The following SYN3 variants were observed in gnomAD, a reference collection of about 807,000 sequenced individuals.
SYN3 encodes synapsin-3.
SYN3 carries 35 observed loss-of-function variants against 65.8 expected under a neutral mutation model. The ratio of observed to expected loss-of-function variants is 0.53; its 90% CI spans 0.41 to 0.70. The LOEUF (loss-of-function observed/expected upper bound fraction) is 0.70. Among genes scored for constraint, SYN3 ranks in the 30% least tolerant of loss-of-function variants. The pLI is 0.00. For synonymous variants in SYN3, 270 were observed against 292.9 expected, an observed-to-expected ratio of 0.92 and a Z score of 0.80; for missense variants, 680 against 749.0, an observed-to-expected ratio of 0.91 and a Z score of 1.08.
intron 8 of SYN3, among the ~76,000 whole-genome samples, chr22:32,539,346 G>T (rs2058216173): frequency 6.6e-6 from 1 of 152,074 alleles, no homozygotes; most frequent in African/African-American, 2.4e-5. Flanking sequence ...GGGGGAGCTG[G>T]ATTTTTCTCT....
At chr22:32,859,381 C>T in intron 6 of SYN3, 1 of 1,606,888 alleles carries the variant, frequency 6.2e-7, no homozygotes, top group Non-Finnish European at 8.5e-7. Context: ...CCCCTGAGCG[C>T]CAGACCCTGC....
chr22:32,947,893 C>A (rs2051162377), intron 3 of SYN3, among the ~76,000 whole-genome samples: 1 of 152,160 alleles, frequency 6.6e-6, no homozygotes, highest in South Asian at 2.1e-4. Context: ...AAGGTGTTGG[C>A]CAGCTGGGCT....
rs376105128 is a variant in SYN3 at position 32,882,290 on chromosome 22, T to C, written c.462-13165A>G. 7.2e-5 allele frequency among the ~76,000 whole-genome samples: 11 copies of C among 152,328 alleles called. No individual in the cohort carries two copies. The East Asian group carries it at 2.1e-3, about 29-fold the overall frequency. ...CCTTCCCTGTCCCTATGTTCTAACA[T>C]GGACTTTCCCACTCTGACCGCCTGG... is the stretch of plus-strand genomic sequence containing the variant. On this transcript the variant is annotated intron_variant, in intron 4 of 13. Coordinates refer to ENST00000358763, the MANE Select transcript of SYN3 (RefSeq NM_003490.4).
At position 32,999,381 on chromosome 22, in the gene SYN3, T is replaced by TC. The variant is rs1283611733; in HGVS notation, c.311+6970dup. Among the ~76,000 whole-genome samples, 12 of 152,110 alleles carry TC rather than the reference T, an allele frequency of 7.9e-5. No individual in the cohort carries two copies. The East Asian group carries it at 2.1e-3, about 27-fold the overall frequency. ...TTGAGAACTACAAGTGGCTTACTCT[T>TC]CCTGCAGAATAAACAGGACAGGGCC... On this transcript the variant is annotated intron_variant, in intron 2 of 13. Coordinates refer to ENST00000358763, the MANE Select transcript of SYN3 (RefSeq NM_003490.4).
intron 1 of SYN3, among the ~76,000 whole-genome samples, chr22:33,024,102 C>A (rs1034002894): frequency 1.3e-5 from 2 of 152,070 alleles, no homozygotes; most frequent in Non-Finnish European, 2.9e-5. Context: ...CCGGGCACAG[C>A]CTCCTTCTCT....
chr22:32,737,547 T>C (rs1270492605), intron 6 of SYN3, among the ~76,000 whole-genome samples: 1 of 151,960 alleles, frequency 6.6e-6, no homozygotes, highest in Non-Finnish European at 1.5e-5. Flanking sequence ...TTCCCACCTA[T>C]GAGTGAGAAC....
At chr22:32,882,496 A>G (rs1277043708) in intron 4 of SYN3, among the ~76,000 whole-genome samples, 3 of 152,116 alleles carry the variant, frequency 2.0e-5, no homozygotes, top group Non-Finnish European at 4.4e-5. Context: ...GAGTGCTGGG[A>G]ACTTGTATTT....
intron 6 of SYN3, among the ~76,000 whole-genome samples, chr22:32,634,670 C>G (rs761731646): frequency 3.9e-5 from 6 of 152,166 alleles, no homozygotes. Flanking sequence ...CCTCATCTAA[C>G]TATTACTTCT....
At chr22:32,589,954 T>A (rs781129758) in intron 7 of SYN3, among the ~76,000 whole-genome samples, 12 of 152,332 alleles carry the variant, frequency 7.9e-5, no homozygotes, top group Admixed American at 4.6e-4. Context: ...CTGGGTATCA[T>A]CTTTCCATTC....
At chr22:32,607,017 C>T (rs1243695065) in intron 6 of SYN3, among the ~76,000 whole-genome samples, 1 of 151,062 alleles carries the variant, frequency 6.6e-6, no homozygotes, top group Admixed American at 6.6e-5. Context: ...CGCCTCCCCC[C>T]ACCCCACAAC....
chr22:32,618,111 G>C (rs535252929), intron 6 of SYN3, among the ~76,000 whole-genome samples: 1 of 152,234 alleles, frequency 6.6e-6, no homozygotes, highest in Non-Finnish European at 1.5e-5. Flanking sequence ...ACTGTTAAGT[G>C]AATACGGAAA....
At chr22:32,901,944 ATC>A (rs1465030882) in intron 4 of SYN3, among the ~76,000 whole-genome samples, 1 of 152,252 alleles carries the variant, frequency 6.6e-6, no homozygotes, top group Non-Finnish European at 1.5e-5. Flanking sequence ...GCCTCCCAGC[ATC>A]TCTGTTCTTC....
chr22:32,801,998 G>C lies in SYN3; in HGVS notation c.711+62917C>G, dbSNP rs1179726032. The C allele has an allele frequency of 1.3e-6, 2 of 1,584,724 alleles. No homozygotes were observed. The highest frequency in any genetic ancestry group is 8.5e-7 in the Non-Finnish European group (1 of 1,171,736). ...CAGCCCCGGCAGCGGCGGCAGCAGCGGCAATGACCCCTTGGCTCGGGCTCA... is the reference window on the plus strand; with the variant it reads ...CAGCCCCGGCAGCGGCGGCAGCAGCCGCAATGACCCCTTGGCTCGGGCTCA... On this transcript the variant is annotated intron_variant, in intron 6 of 13. Coordinates refer to ENST00000358763, the MANE Select transcript of SYN3 (RefSeq NM_003490.4). The surrounding 1 kb of genome is among the most constrained non-coding windows in gnomAD (Gnocchi z 4.7).
At position 32,833,668 on chromosome 22, in the gene SYN3, C is replaced by A. The variant is rs539720766; in HGVS notation, c.711+31247G>T. 1.2e-4 allele frequency among the ~76,000 whole-genome samples: 19 copies of A among 152,308 alleles called. No individual in the cohort carries two copies. The East Asian group carries it at 2.7e-3, about 22-fold the overall frequency. On this transcript the variant is annotated intron_variant, in intron 6 of 13. Coordinates refer to ENST00000358763, the MANE Select transcript of SYN3 (RefSeq NM_003490.4). ...GACCCAGAGATGAGAAGTAGGGGCT[C>A]CCAATTCAGGCTGCCTGGACTGGCA... is the stretch of plus-strand genomic sequence containing the variant.
At chr22:32,805,257 C>T (rs932919348) in intron 6 of SYN3, among the ~76,000 whole-genome samples, 6 of 152,086 alleles carry the variant, frequency 3.9e-5, no homozygotes, top group African/African-American at 1.4e-4. Flanking sequence ...GGCTGCCAGC[C>T]CCAGAGGATG....
rs761501812 is a variant in SYN3 at position 32,580,054 on chromosome 22, G to C, written c.774+16620C>G. Among the ~76,000 whole-genome samples the C allele has an allele frequency of 4.3e-4, 66 of 152,222 alleles. 1 individual carries two copies. Among genetic ancestry groups the C allele is most frequent in the Non-Finnish European group, 1.5e-4 (10 of 68,042 alleles). ...TGTAGGGCAAAGGACAGGGCTTTCC[G>C]CTGTCCAGGGCCCTGGCCTAGGCGG... On this transcript the variant is annotated intron_variant, in intron 7 of 13. Transcript: ENST00000358763.
At position 32,606,576 on chromosome 22, in the gene SYN3, G is replaced by A. The variant is rs74388238; in HGVS notation, c.712-9840C>T. 4.4e-3 allele frequency among the ~76,000 whole-genome samples: 668 copies of A among 152,128 alleles called. 4 individuals are homozygous for A. The highest frequency in any genetic ancestry group is 0.015 in the African/African-American group (636 of 41,522). On this transcript the variant is annotated intron_variant, in intron 6 of 13. Coordinates refer to ENST00000358763, the MANE Select transcript of SYN3 (RefSeq NM_003490.4). ...CAAATATGTTAAGACAAAACTTCACGGCTTACGGGGCTCTGTGTGGTCTGA... is the reference window on the plus strand; with the variant it reads ...CAAATATGTTAAGACAAAACTTCACAGCTTACGGGGCTCTGTGTGGTCTGA...
chr22:32,691,673 G>A (rs2060663268), intron 6 of SYN3, among the ~76,000 whole-genome samples: 4 of 152,122 alleles, frequency 2.6e-5, no homozygotes, highest in South Asian at 2.1e-4. Flanking sequence ...GGGGAGAAAC[G>A]CTTGGCTAAG....
At chr22:32,757,606 C>T (rs367792284) in intron 6 of SYN3, among the ~76,000 whole-genome samples, 1 of 152,130 alleles carries the variant, frequency 6.6e-6, no homozygotes, top group East Asian at 1.9e-4. Flanking sequence ...CTGGGCTCCT[C>T]CTACCTTTAA....
Sources: allele counts gnomAD v4.1 joint callset (sites outside exome capture counted in the v4.1 genomes callset), GRCh38; gene constraint gnomAD v4.1.1; non-coding constraint Gnocchi (gnomAD v3.1); transcripts MANE v1.5; gene names NCBI Gene and HGNC (gene_info 2026-07-23, HGNC 2026-07-21).